Variants in ATR observed in about 807,000 individuals in gnomAD.
The protein encoded by ATR is serine/threonine-protein kinase ATR.
In ATR, 142 loss-of-function variants were observed where a neutral mutation model predicts 305.3. The ratio of observed to expected loss-of-function variants is 0.47; its 90% confidence interval spans 0.41 to 0.53. ATR has a LOEUF of 0.53. Ranked by LOEUF, ATR falls within the 20% of genes least tolerant of loss-of-function variation. The probability of loss-of-function intolerance (pLI) is 0.00; values close to 1 mark genes in which losing one functional copy is unlikely to be tolerated. For missense variants in ATR, 2,135 were observed against 3,133.1 expected (o/e 0.68, Z 7.60); for synonymous variants, 1,050 against 1,068.1 (o/e 0.98, Z 0.33).
chr3:142,520,831 G>C (rs1202007114), intron 23 of ATR, among the ~76,000 whole-genome samples: 4 of 152,202 alleles, frequency 2.6e-5, no homozygotes, highest in African/African-American at 7.2e-5. Context: ...ACTATTGATA[G>C]AGAAGCTGCA....
intron 35 of ATR, among the ~76,000 whole-genome samples, chr3:142,492,340 A>G (rs1559934131): frequency 6.6e-6 from 1 of 152,160 alleles, no homozygotes; most frequent in Non-Finnish European, 1.5e-5. Context: ...TTGTTCTTAT[A>G]GCCTCTGCAT....
chr3:142,492,801 T>C (rs181944714), intron 35 of ATR, among the ~76,000 whole-genome samples: 11 of 152,298 alleles, frequency 7.2e-5, no homozygotes, highest in Non-Finnish European at 1.3e-4. Context: ...ACACCATCTA[T>C]ATAAAGTTTA....
chr3:142,517,001 A>G (rs1024193624), intron 24 of ATR, among the ~76,000 whole-genome samples: 3 of 148,544 alleles, frequency 2.0e-5, no homozygotes, highest in African/African-American at 7.4e-5. Flanking sequence ...ATATATATAT[A>G]TATATACATA....
intron 46 of ATR, chr3:142,452,616 G>A (rs889469091): frequency 1.5e-5 from 13 of 867,698 alleles, no homozygotes; most frequent in East Asian, 1.1e-4. Context: ...AGAGGTTGCC[G>A]TGAGCCAAGA....
At position 142,485,261 on chromosome 3, in the gene ATR, C is replaced by G. The variant is rs774824076; in HGVS notation, c.6100G>C (p.Glu2034Gln). Residue 2034 changes from glutamate (E) to glutamine (Q), a missense_variant, in exon 36 of 47, where the codon GAA (glutamate) becomes CAA (glutamine). Physicochemically the swap from Glu to Gln is conservative, Grantham distance 29. Transcript: ENST00000350721. ...AGGTAAAAATGCCCATCCTCCCATT[C>G]TGGCAGGCACGCGGTCACATCCTAT... ...KYKDVTACLP[E>Q]WEDGHFYLAK... 2 of 1,614,192 alleles carry G rather than the reference C, an allele frequency of 1.2e-6. No homozygotes were observed. The highest frequency in any genetic ancestry group is 1.7e-6 in the Non-Finnish European group (2 of 1,180,012).
At chr3:142,516,348 T>G (rs2032859525) in intron 24 of ATR, among the ~76,000 whole-genome samples, 1 of 152,172 alleles carries the variant, frequency 6.6e-6, no homozygotes. Flanking sequence ...ATATTTGTCT[T>G]TACTGAAATG....
In ATR at chr3:142,449,270, ATG is replaced by A; in HGVS notation, c.*157_*158del. 9.3e-6 allele frequency: 6 copies of A among 647,654 alleles called. No homozygotes were observed. The highest frequency in any genetic ancestry group is 1.0e-5 in the Non-Finnish European group (4 of 382,204). The allele number at this position is 647,654 out of a possible 1,614,324, so 40.1% of individuals were successfully genotyped here. The stretch of plus-strand genomic sequence containing the variant: ...AAGCAGTTTATTTCTTAATAACTGA[ATG>A]TATATTATTTTACATATAATTAATG... On this transcript the variant is annotated 3_prime_UTR_variant, in exon 47 of 47. Transcript: ENST00000350721.
rs563842314 is a variant in ATR, at chr3:142,520,682, T to G, written c.4267-898A>C. On this transcript the variant is annotated intron_variant, in intron 23 of 46. Transcript: ENST00000350721. ...AGGAGAATAAGTTGCAGAAAAAAAGTTTGAAGTGATACAACTCAAGGGGCG... is the reference window on the plus strand; with the variant it reads ...AGGAGAATAAGTTGCAGAAAAAAAGGTTGAAGTGATACAACTCAAGGGGCG... Among the ~76,000 whole-genome samples, 3 of 152,086 alleles carry G rather than the reference T, an allele frequency of 2.0e-5. No individual in the cohort carries two copies. The South Asian group carries it at 6.2e-4, about 32-fold the overall frequency.
chr3:142,568,639 C>A (rs968968940), intron 1 of ATR, among the ~76,000 whole-genome samples: 3 of 152,190 alleles, frequency 2.0e-5, no homozygotes, highest in African/African-American at 7.2e-5. Flanking sequence ...CAGCTGCAGC[C>A]GCCCAACCAC....
chr3:142,542,294 T>C (rs2034081632), intron 17 of ATR, among the ~76,000 whole-genome samples: 1 of 152,180 alleles, frequency 6.6e-6, no homozygotes, highest in Non-Finnish European at 1.5e-5. Flanking sequence ...CTTGAAGCCA[T>C]TGAGGTCATT....
intron 3 of ATR, among the ~76,000 whole-genome samples, chr3:142,565,716 C>A (rs1176677505): frequency 1.7e-5 from 2 of 118,752 alleles, no homozygotes; most frequent in African/African-American, 6.6e-5. Context: ...GGCAACATAG[C>A]GAGACCCTGT....
chr3:142,474,667 T>G (rs1350255537), intron 36 of ATR, among the ~76,000 whole-genome samples: 1 of 152,214 alleles, frequency 6.6e-6, no homozygotes, highest in Non-Finnish European at 1.5e-5. Flanking sequence ...TCATGTCGTC[T>G]GCAAATAGAA....
chr3:142,488,025 T>C (rs567932910), intron 35 of ATR, among the ~76,000 whole-genome samples: 1 of 152,336 alleles, frequency 6.6e-6, no homozygotes, highest in Non-Finnish European at 1.5e-5. Context: ...AAACTGAAAT[T>C]GATGATTTAT....
intron 1 of ATR, among the ~76,000 whole-genome samples, chr3:142,574,458 C>CA (rs59441794): frequency 3.5e-5 from 4 of 114,640 alleles, no homozygotes; most frequent in Non-Finnish European, 5.4e-5. Flanking sequence ...GAGCCAGTCT[C>CA]AAAAAAAAAA....
At chr3:142,466,231 T>G in intron 40 of ATR, 93 bp downstream of exon 40, 1 of 1,322,614 alleles carries the variant, frequency 7.6e-7, no homozygotes, top group Non-Finnish European at 1.1e-6. Flanking sequence ...CAAATAAGAT[T>G]CACGTAGATT....
At chr3:142,563,153 G>A (rs777987573) in intron 3 of ATR, 44 bp from the exon 4 acceptor site, 25 of 1,541,130 alleles carry the variant, frequency 1.6e-5, no homozygotes, top group East Asian at 1.6e-4. Context: ...AAGTATATCC[G>A]AAGTGCTAAT....
rs905374672 is a variant in ATR, at chr3:142,535,286, A to G, written c.3820-81T>C. ...TTCCAAAGGCCTGAATTCTCTATATAGTTACCATTAAACTATACCAAACCA... is the reference window on the plus strand; with the variant it reads ...TTCCAAAGGCCTGAATTCTCTATATGGTTACCATTAAACTATACCAAACCA... On this transcript the variant is annotated intron_variant, in intron 20 of 46. Transcript: ENST00000350721. 11 of 1,554,800 alleles carry G rather than the reference A, an allele frequency of 7.1e-6. No individual in the cohort carries two copies. The African/African-American group carries it at 1.5e-4, about 21-fold the overall frequency.
intron 36 of ATR, among the ~76,000 whole-genome samples, chr3:142,470,826 A>G (rs2108281723): frequency 6.6e-6 from 1 of 152,118 alleles, no homozygotes; most frequent in Non-Finnish European, 1.5e-5. Context: ...CAACCACTCA[A>G]CGCTGTTTCT....
chr3:142,546,307 G>A (rs528828865), intron 16 of ATR, among the ~76,000 whole-genome samples: 4 of 152,268 alleles, frequency 2.6e-5, no homozygotes, highest in Non-Finnish European at 4.4e-5. Context: ...GAACTAAGGG[G>A]GGCATTAAGT....
Sources: allele counts gnomAD v4.1 joint callset (sites outside exome capture counted in the v4.1 genomes callset), GRCh38; gene constraint gnomAD v4.1.1; transcripts MANE v1.5; gene names NCBI Gene and HGNC (gene_info 2026-07-23, HGNC 2026-07-21).